Variants in ARMC8 observed in about 807,000 individuals in gnomAD.
The protein encoded by ARMC8 is armadillo repeat containing 8, also known as armadillo repeat-containing protein 8.
Under a neutral mutation model 99.3 loss-of-function variants are expected in ARMC8, and 20 were observed. That is an observed-to-expected ratio of 0.20 (90% CI 0.14 to 0.29). ARMC8 has a LOEUF of 0.29. Among genes scored for constraint, ARMC8 ranks in the 10% least tolerant of loss-of-function variants. ARMC8 has a pLI of 1.00. For missense variants in ARMC8, 569 were observed against 809.5 expected, an observed-to-expected ratio of 0.70 and a Z score of 3.60; for synonymous variants, 263 against 278.3, an observed-to-expected ratio of 0.95 and a Z score of 0.55.
At chr3:138,224,669 T>C (rs2045589915) in intron 5 of ARMC8, among the ~76,000 whole-genome samples, 1 of 152,218 alleles carries the variant, frequency 6.6e-6, no homozygotes, top group Non-Finnish European at 1.5e-5. Flanking sequence ...GAAAATCACT[T>C]GAACCCAGGA....
At position 138,296,929 on chromosome 3, in the gene ARMC8, A is replaced by T. The variant is rs1184941852; in HGVS notation, c.*1037A>T. ...TCATGGAAACTTGTGCTCAAACTAA[A>T]AGTAGGTCATCACTTCCCAGAAACA... On this transcript the variant is annotated 3_prime_UTR_variant, in exon 22 of 22. Transcript: ENST00000469044. 3.3e-5 allele frequency: 5 copies of T among 152,194 alleles called. No homozygotes were observed. Among genetic ancestry groups the T allele is most frequent in the Non-Finnish European group, 1.5e-5 (1 of 68,046 alleles). 9.4% of individuals were successfully genotyped at this position (152,194 alleles called of 1,614,324 possible).
intron 1 of ARMC8, among the ~76,000 whole-genome samples, chr3:138,208,213 A>G (rs935363010): frequency 1.3e-5 from 2 of 152,142 alleles, no homozygotes; most frequent in East Asian, 3.9e-4. Context: ...CATGCCTGTA[A>G]TCCCAGCACT....
chr3:138,297,040 A>C lies in ARMC8; in HGVS notation c.*1148A>C, dbSNP rs1417184243. The C allele has an allele frequency of 6.6e-6, 1 of 152,204 alleles. No individual in the cohort carries two copies. The highest frequency in any genetic ancestry group is 1.5e-5 in the Non-Finnish European group (1 of 68,046). 9.4% of individuals were successfully genotyped at this position (152,204 alleles called of 1,614,324 possible). On this transcript the variant is annotated 3_prime_UTR_variant, in exon 22 of 22. Coordinates refer to ENST00000469044, the MANE Select transcript of ARMC8 (RefSeq NM_001363941.2). ...ACACCCCTGTAGAAAGAAACAAAGA[A>C]CAGGATAGTTTAGAAAGCTTTCTGT...
chr3:138,274,336 T>C (rs960755961), intron 17 of ARMC8, 113 bp from the exon 18 acceptor site: 14 of 684,958 alleles, frequency 2.0e-5, no homozygotes, highest in Non-Finnish European at 3.0e-5. Context: ...CTATATGCTA[T>C]AGTGTTTTGC....
intron 12 of ARMC8, among the ~76,000 whole-genome samples, chr3:138,250,786 A>G (rs749699595): frequency 1.3e-5 from 2 of 152,162 alleles, no homozygotes; most frequent in Non-Finnish European, 2.9e-5. Flanking sequence ...TGTATTTTCA[A>G]TGCTGTAAGA....
At chr3:138,263,629 G>A (rs1193669989) in intron 12 of ARMC8, 110 bp from the exon 13 acceptor site, 29 of 1,004,262 alleles carry the variant, frequency 2.9e-5, no homozygotes, top group Non-Finnish European at 3.8e-5. Context: ...AAAAACTCTT[G>A]CCAAAAACAA....
intron 2 of ARMC8, among the ~76,000 whole-genome samples, chr3:138,216,489 C>A (rs2045049134): frequency 6.6e-6 from 1 of 152,060 alleles, no homozygotes; most frequent in Non-Finnish European, 1.5e-5. Context: ...ATGAATATAC[C>A]TCATTCCTTA....
intron 1 of ARMC8, chr3:138,188,601 A>G: frequency 1.9e-6 from 3 of 1,599,610 alleles, no homozygotes; most frequent in Non-Finnish European, 2.6e-6. Context: ...CATCTTTTAG[A>G]CTTGTGGAAG....
Position 138,290,642 on chromosome 3 carries a change from G to A in ARMC8, c.1988+3G>A, listed in dbSNP as rs186347815. ...CCAGATTCAAACCTTTGTGACAAGT[G>A]AGTATGAATGTGAAAAGGCCTTGCT... On this transcript the variant is annotated splice_donor_region_variant and intron_variant, in intron 21 of 21. Transcript: ENST00000469044. 2.7e-4 allele frequency: 434 copies of A among 1,588,010 alleles called. No homozygotes were observed. The highest frequency in any genetic ancestry group is 8.8e-4 in the Admixed American group (50 of 56,752).
chr3:138,229,941 G>A (rs2045947349), intron 6 of ARMC8, among the ~76,000 whole-genome samples: 1 of 152,142 alleles, frequency 6.6e-6, no homozygotes, highest in African/African-American at 2.4e-5. Context: ...GAAGACACAG[G>A]TCTATGCTGT....
In ARMC8 at chr3:138,196,112, T is replaced by G. The variant is rs111699430; in HGVS notation, c.45+8513T>G. On this transcript the variant is annotated intron_variant, in intron 1 of 21. Coordinates refer to ENST00000469044, the MANE Select transcript of ARMC8 (RefSeq NM_001363941.2). ...TGCTTCTTTTGCCTTAGGGGTGTTTTTAAGAATTTCTTAGGCTTTCAGAAA... is the reference window on the plus strand; with the variant it reads ...TGCTTCTTTTGCCTTAGGGGTGTTTGTAAGAATTTCTTAGGCTTTCAGAAA... 3.9e-4 allele frequency among the ~76,000 whole-genome samples: 59 copies of G among 152,286 alleles called. 1 individual carries two copies. Among genetic ancestry groups the G allele is most frequent in the African/African-American group, 1.4e-3 (59 of 41,582 alleles).
chr3:138,296,134 T>A lies in ARMC8; in HGVS notation c.*242T>A, dbSNP rs1450075935. On this transcript the variant is annotated 3_prime_UTR_variant, in exon 22 of 22. Coordinates refer to ENST00000469044, the MANE Select transcript of ARMC8 (RefSeq NM_001363941.2). ...TTTTTTTTCTGAGCTACTCGGACTC[T>A]TTATTAGAACAATCAATCATTTTCC... 2.2e-6 allele frequency: 1 copy of A among 453,824 alleles called. No homozygotes were observed. The highest frequency in any genetic ancestry group is 3.9e-6 in the Non-Finnish European group (1 of 254,916). 28.1% of individuals were successfully genotyped at this position (453,824 alleles called of 1,614,324 possible).
At chr3:138,274,614 T>G (rs1365159107) in intron 18 of ARMC8, 70 bp downstream of exon 18, 1 of 1,152,060 alleles carries the variant, frequency 8.7e-7, no homozygotes, top group African/African-American at 1.5e-5. Flanking sequence ...AAGAGTCTCC[T>G]GAAATATTCA....
chr3:138,229,059 T>C, intron 6 of ARMC8, 49 bp downstream of exon 6: 1 of 1,378,844 alleles, frequency 7.3e-7, no homozygotes, highest in South Asian at 1.2e-5. Flanking sequence ...TTATTATGCC[T>C]TTAAGAGATG....
intron 18 of ARMC8, among the ~76,000 whole-genome samples, chr3:138,277,084 C>T (rs1022245803): frequency 3.3e-5 from 5 of 152,178 alleles, no homozygotes; most frequent in South Asian, 2.1e-4. Context: ...TAGCACATAT[C>T]GACCAATGGA....
intron 12 of ARMC8, among the ~76,000 whole-genome samples, chr3:138,255,270 T>C (rs570399111): frequency 1.3e-5 from 2 of 149,390 alleles, no homozygotes; most frequent in South Asian, 4.3e-4. Context: ...TGGCGTGATC[T>C]CGGCTCACTG....
chr3:138,247,002 T>C (rs2046912020), intron 12 of ARMC8: 1 of 356,968 alleles, frequency 2.8e-6, no homozygotes, highest in Admixed American at 6.5e-5. Flanking sequence ...AATTTACAGT[T>C]CATAGTAACT....
At chr3:138,292,391 T>C (rs1311323152) in intron 21 of ARMC8, among the ~76,000 whole-genome samples, 1 of 152,154 alleles carries the variant, frequency 6.6e-6, no homozygotes, top group Non-Finnish European at 1.5e-5. Context: ...GAACCATCTG[T>C]AGGAGGGCAA....
At chr3:138,209,984 A>G (rs750209677) in intron 2 of ARMC8, 91 bp downstream of exon 2, 1 of 923,220 alleles carries the variant, frequency 1.1e-6, no homozygotes, top group Non-Finnish European at 1.7e-6. Context: ...ATACAGGGTT[A>G]TACCTTTTTT....
Sources: allele counts gnomAD v4.1 joint callset (sites outside exome capture counted in the v4.1 genomes callset), GRCh38; gene constraint gnomAD v4.1.1; transcripts MANE v1.5; gene names NCBI Gene and HGNC (gene_info 2026-07-23, HGNC 2026-07-21).